SLC5A11: variants seen among roughly 807,000 people sequenced by gnomAD.
SLC5A11 encodes the protein solute carrier family 5 member 11.
SLC5A11 carries 48 observed loss-of-function variants against 69.8 expected under a neutral mutation model. That is an observed-to-expected ratio of 0.69 (90% CI 0.55 to 0.87). SLC5A11 has a LOEUF of 0.87. Ranked by LOEUF, SLC5A11 falls within the 40% of genes least tolerant of loss-of-function variation. The probability of loss-of-function intolerance (pLI) is 0.00; values close to 1 mark genes in which losing one functional copy is unlikely to be tolerated. For missense variants in SLC5A11, 784 were observed against 866.1 expected, an observed-to-expected ratio of 0.91 and a Z score of 1.19; for synonymous variants, 319 against 342.4, an observed-to-expected ratio of 0.93 and a Z score of 0.75.
intron 10 of SLC5A11, among the ~76,000 whole-genome samples, chr16:24,900,933 A>G (rs913020688): frequency 6.6e-6 from 1 of 151,562 alleles, no homozygotes; most frequent in East Asian, 1.9e-4. Flanking sequence ...AAAAAAAAAA[A>G]AAAAAAGGAA....
intron 1 of SLC5A11, among the ~76,000 whole-genome samples, chr16:24,848,960 T>C (rs941311985): frequency 2.0e-5 from 3 of 151,988 alleles, no homozygotes; most frequent in Non-Finnish European, 4.4e-5. Flanking sequence ...GTTTTGGAAG[T>C]AAGAGAGAAT....
intron 1 of SLC5A11, among the ~76,000 whole-genome samples, chr16:24,849,586 AAAAAAAAATATATATAT>A (rs1191475953): frequency 1.8e-5 from 2 of 112,640 alleles, no homozygotes; most frequent in Admixed American, 9.0e-5. Flanking sequence ...AAAAAAAAAA[AAAAAAAAATATATATAT>A]ATATATATAT....
intron 1 of SLC5A11, among the ~76,000 whole-genome samples, chr16:24,848,705 G>C (rs570629521): frequency 6.6e-6 from 1 of 152,268 alleles, no homozygotes; most frequent in South Asian, 2.1e-4. Context: ...ACAGATGTTC[G>C]AGAGTTTGAG....
chr16:24,897,774 A>G (rs1403966823), intron 9 of SLC5A11, among the ~76,000 whole-genome samples, 200 bp from the exon 11 acceptor site: 1 of 152,142 alleles, frequency 6.6e-6, no homozygotes, highest in Non-Finnish European at 1.5e-5. Context: ...CCCTTATAAA[A>G]CCATCAGATC....
intron 7 of SLC5A11, among the ~76,000 whole-genome samples, chr16:24,882,789 G>A (rs769891090): frequency 6.6e-6 from 1 of 152,156 alleles, no homozygotes; most frequent in Non-Finnish European, 1.5e-5. Context: ...GGGATTACAG[G>A]CATGCCCCAT....
At chr16:24,906,826 G>C in intron 11 of SLC5A11, 62 bp downstream of exon 12, 1 of 1,486,262 alleles carries the variant, frequency 6.7e-7, no homozygotes, top group East Asian at 2.3e-5. Context: ...ATCACCGGAT[G>C]GGCTCTGATC....
At chr16:24,904,151 T>A (rs746083171) in intron 10 of SLC5A11, among the ~76,000 whole-genome samples, 8 of 152,134 alleles carry the variant, frequency 5.3e-5, no homozygotes, top group Non-Finnish European at 1.2e-4. Flanking sequence ...CATGATCCGA[T>A]CACCTCCCTC....
chr16:24,891,514 A>G (rs2048809834), intron 9 of SLC5A11, among the ~76,000 whole-genome samples: 1 of 151,810 alleles, frequency 6.6e-6, no homozygotes. Context: ...GTAGAGATGC[A>G]GGTCTCACTA....
At chr16:24,886,293 A>G (rs922083134) in intron 8 of SLC5A11, among the ~76,000 whole-genome samples, 1 of 152,140 alleles carries the variant, frequency 6.6e-6, no homozygotes, top group African/African-American at 2.4e-5. Context: ...TTGGCCTCCC[A>G]AAGTGCTGGG....
chr16:24,890,949 A>G (rs1328691614), exon 9 of SLC5A11: 1 of 1,614,200 alleles, frequency 6.2e-7, no homozygotes, highest in East Asian at 2.2e-5. Flanking sequence ...TGAGAACAGC[A>G]GCTGCGGGCT....
At position 24,853,032 on chromosome 16, in the gene SLC5A11, C is replaced by T. The variant is rs78722301; in HGVS notation, c.-24-5588C>T. On this transcript the variant is annotated intron_variant, in intron 1 of 15. Transcript: ENST00000347898. ...TCTAGCACAGAGCATGGTGCACAGC[C>T]GGTGCCTAATAAATGTTTGTTGTAC... is the stretch of plus-strand genomic sequence containing the variant. 5.9e-3 allele frequency among the ~76,000 whole-genome samples: 800 copies of T among 135,916 alleles called. 6 individuals carry two copies. The highest frequency in any genetic ancestry group is 0.021 in the African/African-American group (750 of 36,366). The allele number at this position is 135,916 out of a possible 152,430, so 89.2% of individuals were successfully genotyped here. A position where few individuals can be genotyped will look rare whatever the true frequency, so the allele number is the denominator to read the frequency against.
At chr16:24,862,757 CT>C in intron 3 of SLC5A11, 85 bp downstream of exon 4, 1 of 1,212,370 alleles carries the variant, frequency 8.2e-7, no homozygotes. Context: ...TATCTCAGGA[CT>C]CTCTGGTCTC....
At chr16:24,862,171 C>A (rs770130351) in intron 2 of SLC5A11, 19 of 153,154 alleles carry the variant, frequency 1.2e-4, no homozygotes, top group African/African-American at 1.9e-4. Context: ...CGGTTTCTTC[C>A]TTTATCAGAT....
At chr16:24,860,565 T>C (rs906045936) in intron 2 of SLC5A11, among the ~76,000 whole-genome samples, 1 of 152,158 alleles carries the variant, frequency 6.6e-6, no homozygotes. Context: ...TTTGTGATTA[T>C]ACTAGTTTGT....
At chr16:24,894,167 G>C (rs868261277) in intron 9 of SLC5A11, among the ~76,000 whole-genome samples, 1 of 152,086 alleles carries the variant, frequency 6.6e-6, no homozygotes, top group African/African-American at 2.4e-5. Flanking sequence ...TCACACCTAA[G>C]TCCGTCTGCA....
At chr16:24,861,388 G>A (rs1465360833) in intron 2 of SLC5A11, among the ~76,000 whole-genome samples, 4 of 152,052 alleles carry the variant, frequency 2.6e-5, no homozygotes, top group Non-Finnish European at 2.9e-5. Flanking sequence ...GCCGAGCCAG[G>A]AGGACTGCTT....
At chr16:24,870,128 C>T (rs1197513061) in intron 4 of SLC5A11, 123 bp downstream of exon 5, 1 of 663,904 alleles carries the variant, frequency 1.5e-6, no homozygotes, top group African/African-American at 1.8e-5. Flanking sequence ...CGCGGTGGCT[C>T]ACGCCTGTAA....
chr16:24,850,133 A>AC (rs2059236620), intron 1 of SLC5A11, among the ~76,000 whole-genome samples: 1 of 151,928 alleles, frequency 6.6e-6, no homozygotes, highest in Non-Finnish European at 1.5e-5. Context: ...AGAGGAGAAA[A>AC]AAAAAAGGGT....
At chr16:24,879,461 G>A (rs545052135) in intron 7 of SLC5A11, among the ~76,000 whole-genome samples, 5 of 152,274 alleles carry the variant, frequency 3.3e-5, no homozygotes, top group Non-Finnish European at 5.9e-5. Context: ...GGTGGGCCAG[G>A]CATGGTGGCT....
Sources: gnomAD v4.1 joint callset for allele counts (sites outside exome capture counted in the v4.1 genomes callset) on GRCh38, gnomAD v4.1.1 for gene constraint, MANE v1.5 for transcripts, NCBI Gene and HGNC (gene_info 2026-07-23, HGNC 2026-07-21) for gene names.